PRKN: variants seen among roughly 807,000 people sequenced by gnomAD.
PRKN encodes parkin RBR E3 ubiquitin protein ligase, also known as E3 ubiquitin-protein ligase parkin.
PRKN carries 56 observed loss-of-function variants against 59.5 expected under a neutral mutation model. The ratio of observed to expected loss-of-function variants is 0.94; its 90% CI spans 0.76 to 1.18. PRKN has a LOEUF of 1.18. Ranked by LOEUF, PRKN falls within the 50% of genes most tolerant of loss-of-function variation. The probability of loss-of-function intolerance (pLI) is 0.00; values close to 1 mark genes in which losing one functional copy is unlikely to be tolerated. For missense variants in PRKN, 657 were observed against 596.4 expected (o/e 1.10, Z -1.06); for synonymous variants, 250 against 222.1 (o/e 1.13, Z -1.12).
At chr6:162,415,891 T>C (rs144436407) in intron 2 of PRKN, among the ~76,000 whole-genome samples, 1 of 152,336 alleles carries the variant, frequency 6.6e-6, no homozygotes, top group Non-Finnish European at 1.5e-5. Flanking sequence ...TTCTGACTAA[T>C]GGGAGATCTT....
Position 161,463,287 on chromosome 6 carries a change from G to A in PRKN, c.1084-76410C>T, listed in dbSNP as rs1327439017. Among the ~76,000 whole-genome samples, 1 of 152,148 alleles carries A rather than the reference G, an allele frequency of 6.6e-6. No individual in the cohort carries two copies. The highest frequency in any genetic ancestry group is 1.9e-4 in the East Asian group (1 of 5,184). ...TGACCCCTCCTCCCTTGTTACCAAG[G>A]ATGCCAAAACTTTCCCAGCTTTCAG... On this transcript the variant is annotated intron_variant, in intron 9 of 11. Coordinates refer to ENST00000366898, the MANE Select transcript of PRKN (RefSeq NM_004562.3). The surrounding 1 kb of genome is among the most constrained non-coding windows in gnomAD (Gnocchi z 4.8).
chr6:161,606,304 T>C (rs1367502169), intron 7 of PRKN, among the ~76,000 whole-genome samples: 1 of 152,078 alleles, frequency 6.6e-6, no homozygotes, highest in Admixed American at 6.6e-5. Flanking sequence ...GGGAGACACA[T>C]TTAAGAGCTA....
chr6:161,880,725 C>T (rs1426092894), intron 6 of PRKN, among the ~76,000 whole-genome samples: 2 of 152,304 alleles, frequency 1.3e-5, no homozygotes, highest in Non-Finnish European at 2.9e-5. Flanking sequence ...GAACGCACTT[C>T]CTGGGCACTA....
chr6:161,660,117 T>TA (rs1470187061), intron 7 of PRKN, among the ~76,000 whole-genome samples: 1 of 152,192 alleles, frequency 6.6e-6, no homozygotes. Context: ...TTAGAACTAT[T>TA]AGTCTGCTAT....
At chr6:162,228,021 A>C (rs1391097925) in intron 3 of PRKN, among the ~76,000 whole-genome samples, 1 of 152,140 alleles carries the variant, frequency 6.6e-6, no homozygotes, top group Non-Finnish European at 1.5e-5. Context: ...TTGGTGGTGA[A>C]TGTGCAGACA....
At chr6:161,687,965 TTTTG>T (rs1785629974) in intron 7 of PRKN, among the ~76,000 whole-genome samples, 1 of 152,118 alleles carries the variant, frequency 6.6e-6, no homozygotes, top group African/African-American at 2.4e-5. Flanking sequence ...ACCTCTTTAG[TTTTG>T]TTTTTTTCTT....
intron 1 of PRKN, among the ~76,000 whole-genome samples, chr6:162,478,595 G>A (rs934329967): frequency 6.6e-6 from 1 of 152,144 alleles, no homozygotes; most frequent in Non-Finnish European, 1.5e-5. Flanking sequence ...CAAGAGATAA[G>A]TACAGTCATG....
At chr6:162,413,409 G>C (rs1188177562) in intron 2 of PRKN, among the ~76,000 whole-genome samples, 1 of 152,084 alleles carries the variant, frequency 6.6e-6, no homozygotes. Context: ...TGAGATTCTT[G>C]AAACATTTGT....
intron 6 of PRKN, among the ~76,000 whole-genome samples, chr6:161,792,826 T>C (rs563450171): frequency 6.6e-6 from 1 of 152,356 alleles, no homozygotes; most frequent in East Asian, 1.9e-4. Flanking sequence ...AGAGGAAAGC[T>C]ACACCATTAA....
intron 1 of PRKN, among the ~76,000 whole-genome samples, chr6:162,486,081 G>A (rs1014724955): frequency 2.6e-5 from 4 of 151,844 alleles, no homozygotes; most frequent in Non-Finnish European, 5.9e-5. Flanking sequence ...TTTTTGAAAC[G>A]TGCATACACT....
intron 6 of PRKN, among the ~76,000 whole-genome samples, chr6:161,799,992 A>C (rs1791013659): frequency 6.6e-6 from 1 of 152,204 alleles, no homozygotes; most frequent in South Asian, 2.1e-4. Flanking sequence ...TGAGGAGATG[A>C]AGGAAGCCAC....
At chr6:162,268,525 C>T (rs190391888) in intron 2 of PRKN, among the ~76,000 whole-genome samples, 354 of 152,300 alleles carry the variant, frequency 2.3e-3, no homozygotes, top group African/African-American at 7.9e-3. Flanking sequence ...AGACAACATA[C>T]ATAAAGTTAG....
chr6:162,509,451 A>G (rs958406139), intron 1 of PRKN, among the ~76,000 whole-genome samples: 2 of 152,208 alleles, frequency 1.3e-5, no homozygotes, highest in African/African-American at 4.8e-5. Flanking sequence ...CAAAAAGAGG[A>G]TTTGAAAAAA....
chr6:162,245,504 CTAATA>C (rs911508938), intron 3 of PRKN, among the ~76,000 whole-genome samples: 4 of 151,406 alleles, frequency 2.6e-5, no homozygotes, highest in African/African-American at 7.3e-5. Flanking sequence ...AATATAATAT[CTAATA>C]TAATATAATA....
chr6:161,793,770 A>G (rs1790730592), intron 6 of PRKN, among the ~76,000 whole-genome samples: 1 of 152,216 alleles, frequency 6.6e-6, no homozygotes, highest in Non-Finnish European at 1.5e-5. Flanking sequence ...TGAACAAACT[A>G]AATGGCTTTT....
intron 1 of PRKN, among the ~76,000 whole-genome samples, chr6:162,581,772 T>TAC (rs1780801947): frequency 1.3e-5 from 2 of 152,124 alleles, no homozygotes; most frequent in South Asian, 2.1e-4. Flanking sequence ...AATATATATA[T>TAC]ACTTAACTTA....
chr6:162,280,006 T>C (rs551314667), intron 2 of PRKN, among the ~76,000 whole-genome samples: 1 of 152,190 alleles, frequency 6.6e-6, no homozygotes, highest in Non-Finnish European at 1.5e-5. Context: ...TCCTTTTTTT[T>C]TGCATTCCAT....
intron 1 of PRKN, among the ~76,000 whole-genome samples, chr6:162,672,043 T>C (rs530083782): frequency 6.6e-6 from 1 of 152,154 alleles, no homozygotes; most frequent in South Asian, 2.1e-4. Flanking sequence ...GGCCAGACAC[T>C]GGAAGCTCCA....
At chr6:161,605,719 A>G (rs1782256019) in intron 7 of PRKN, among the ~76,000 whole-genome samples, 1 of 152,116 alleles carries the variant, frequency 6.6e-6, no homozygotes, top group Non-Finnish European at 1.5e-5. Context: ...CACGTTGGCC[A>G]GGCTGGTCTC....
Sources: allele counts gnomAD v4.1 joint callset (sites outside exome capture counted in the v4.1 genomes callset), GRCh38; gene constraint gnomAD v4.1.1; non-coding constraint Gnocchi (gnomAD v3.1); transcripts MANE v1.5; gene names NCBI Gene and HGNC (gene_info 2026-07-23, HGNC 2026-07-21).